Variants in AGBL1 observed in about 807,000 individuals in gnomAD.
AGBL1 encodes the protein AGBL carboxypeptidase 1, also known as cytosolic carboxypeptidase 4.
AGBL1 carries 130 observed loss-of-function variants against 118.9 expected under a neutral mutation model. That is an observed-to-expected ratio of 1.09 (90% CI 0.95 to 1.26). AGBL1 has a LOEUF of 1.26. Among genes scored for constraint, AGBL1 ranks in the 50% most tolerant of loss-of-function variants. The pLI is 0.00. For synonymous variants in AGBL1, 555 were observed against 478.9 expected, an observed-to-expected ratio of 1.16 and a Z score of -2.08; for missense variants, 1,584 against 1,298.1, an observed-to-expected ratio of 1.22 and a Z score of -3.38.
At chr15:86,866,473 A>G (rs1441592375) in intron 22 of AGBL1, among the ~76,000 whole-genome samples, 1 of 152,220 alleles carries the variant, frequency 6.6e-6, no homozygotes, top group African/African-American at 2.4e-5. Context: ...TACTTCTTGC[A>G]TAAGTCTTTC....
chr15:86,570,246 T>C (rs558678885), intron 21 of AGBL1, among the ~76,000 whole-genome samples: 1 of 151,906 alleles, frequency 6.6e-6, no homozygotes, highest in East Asian at 1.9e-4. Flanking sequence ...CTGGGGGAGG[T>C]CCCCAAACAC....
chr15:86,161,571 A>G (rs1162832290), intron 5 of AGBL1, among the ~76,000 whole-genome samples: 1 of 152,210 alleles, frequency 6.6e-6, no homozygotes, highest in Non-Finnish European at 1.5e-5. Flanking sequence ...CATCATATGT[A>G]AGACGATCAT....
chr15:86,732,942 G>T (rs750837164), intron 22 of AGBL1, among the ~76,000 whole-genome samples: 20 of 149,300 alleles, frequency 1.3e-4, no homozygotes, highest in African/African-American at 2.7e-4. Context: ...TATATATATA[G>T]AGAGAAATAT....
At chr15:86,849,538 A>G (rs1555456705) in intron 22 of AGBL1, among the ~76,000 whole-genome samples, 2 of 85,368 alleles carry the variant, frequency 2.3e-5, no homozygotes, top group Non-Finnish European at 2.7e-5. Context: ...TTTTTGGCTG[A>G]TCTTATGCCA....
At chr15:86,774,995 A>T (rs2078234395) in intron 22 of AGBL1, among the ~76,000 whole-genome samples, 1 of 152,168 alleles carries the variant, frequency 6.6e-6, no homozygotes, top group African/African-American at 2.4e-5. Context: ...GGAAATGTTC[A>T]TTTGTTTATT....
At chr15:86,200,881 G>A (rs540757642) in intron 5 of AGBL1, among the ~76,000 whole-genome samples, 1 of 152,168 alleles carries the variant, frequency 6.6e-6, no homozygotes, top group East Asian at 1.9e-4. Flanking sequence ...CTCCGAAATT[G>A]TTAGGATTAC....
At chr15:86,676,849 T>A (rs1035577962) in intron 22 of AGBL1, among the ~76,000 whole-genome samples, 1 of 152,090 alleles carries the variant, frequency 6.6e-6, no homozygotes, top group Non-Finnish European at 1.5e-5. Flanking sequence ...ATGCCTGTAA[T>A]CTCAGCACTT....
chr15:86,599,550 G>T (rs1289989683), intron 21 of AGBL1, among the ~76,000 whole-genome samples: 1 of 151,784 alleles, frequency 6.6e-6, no homozygotes, highest in Non-Finnish European at 1.5e-5. Context: ...GCAATGGGAA[G>T]TGGATGAATG....
At chr15:86,231,597 C>CAAGA (rs1419710003) in intron 6 of AGBL1, among the ~76,000 whole-genome samples, 1 of 152,174 alleles carries the variant, frequency 6.6e-6, no homozygotes, top group African/African-American at 2.4e-5. Context: ...CAAATATCTA[C>CAAGA]CATTTAGCAA....
At chr15:86,318,092 T>C (rs1027938141) in intron 17 of AGBL1, among the ~76,000 whole-genome samples, 2 of 152,200 alleles carry the variant, frequency 1.3e-5, no homozygotes, top group African/African-American at 4.8e-5. Flanking sequence ...AGTGCATGAA[T>C]GTCTGTCATC....
intron 21 of AGBL1, among the ~76,000 whole-genome samples, chr15:86,604,860 A>T (rs1190892403): frequency 3.0e-5 from 4 of 131,994 alleles, no homozygotes; most frequent in Non-Finnish European, 4.6e-5. Context: ...CAATTATGTG[A>T]TCTCGGCTCA....
chr15:86,381,965 A>T (rs1264830845), intron 17 of AGBL1, among the ~76,000 whole-genome samples: 1 of 152,186 alleles, frequency 6.6e-6, no homozygotes, highest in Non-Finnish European at 1.5e-5. Flanking sequence ...ATAGGAATGG[A>T]GAGGACGGAA....
At chr15:86,461,503 A>T (rs996015736) in intron 18 of AGBL1, among the ~76,000 whole-genome samples, 1 of 152,168 alleles carries the variant, frequency 6.6e-6, no homozygotes, top group Non-Finnish European at 1.5e-5. Flanking sequence ...CATACCATGC[A>T]GATATGTTTT....
chr15:86,502,596 A>AT (rs2082930224), intron 18 of AGBL1, among the ~76,000 whole-genome samples: 1 of 109,832 alleles, frequency 9.1e-6, no homozygotes, highest in African/African-American at 3.3e-5. Flanking sequence ...TTCCCTTCTT[A>AT]GTTTTTTTTT....
At chr15:86,575,312 A>C (rs2084074403) in intron 21 of AGBL1, among the ~76,000 whole-genome samples, 1 of 151,706 alleles carries the variant, frequency 6.6e-6, no homozygotes, top group South Asian at 2.1e-4. Flanking sequence ...CAGCCTGGGC[A>C]ACATAGTGAG....
At chr15:86,993,341 T>C (rs2141745752) in intron 24 of AGBL1, among the ~76,000 whole-genome samples, 1 of 152,302 alleles carries the variant, frequency 6.6e-6, no homozygotes, top group South Asian at 2.1e-4. Context: ...ATACCAACTA[T>C]ATATTGGACA....
intron 21 of AGBL1, among the ~76,000 whole-genome samples, chr15:86,603,406 C>G (rs777949855): frequency 1.3e-5 from 2 of 152,174 alleles, no homozygotes. Context: ...TAAGATTCCT[C>G]TTAATATTGT....
intron 21 of AGBL1, among the ~76,000 whole-genome samples, chr15:86,608,543 A>G (rs1379886864): frequency 6.6e-6 from 1 of 152,216 alleles, no homozygotes; most frequent in African/African-American, 2.4e-5. Context: ...CCTGAGAGGC[A>G]TAAAGTGGTA....
chr15:86,675,488 G>C (rs571864115), intron 22 of AGBL1, among the ~76,000 whole-genome samples: 1 of 152,094 alleles, frequency 6.6e-6, no homozygotes, highest in Non-Finnish European at 1.5e-5. Flanking sequence ...ACCACACTGG[G>C]CTATAGATCA....
Sources: allele counts gnomAD v4.1 joint callset (sites outside exome capture counted in the v4.1 genomes callset), GRCh38; gene constraint gnomAD v4.1.1; transcripts MANE v1.5; gene names NCBI Gene and HGNC (gene_info 2026-07-23, HGNC 2026-07-21).